Variants in SNX8 observed in about 807,000 individuals in gnomAD.
SNX8 encodes the protein sorting nexin-8.
Under a neutral mutation model 51.6 loss-of-function variants are expected in SNX8, and 25 were observed. That is an observed-to-expected ratio of 0.48 (90% CI 0.35 to 0.68). The LOEUF (loss-of-function observed/expected upper bound fraction) is 0.68. SNX8 is among the 30% of genes least tolerant of loss of function. SNX8 has a pLI of 0.00. For missense variants in SNX8, 695 were observed against 624.0 expected (o/e 1.11, Z -1.21); for synonymous variants, 324 against 277.0 (o/e 1.17, Z -1.68).
upstream of SNX8, among the ~76,000 whole-genome samples, chr7:2,314,635 C>T (rs1028186766): frequency 2.6e-5 from 4 of 152,176 alleles, no homozygotes; most frequent in African/African-American, 9.6e-5. Context: ...TCCCCGTCCA[C>T]GTGGACACGG....
intron 1 of SNX8, among the ~76,000 whole-genome samples, chr7:2,342,289 G>C (rs915588216): frequency 4.3e-4 from 66 of 152,136 alleles, no homozygotes; most frequent in Non-Finnish European, 7.2e-4. Context: ...TGTTCAACAC[G>C]CAAGATGGAT....
Position 2,254,754 on chromosome 7 carries a change from G to C in SNX8, c.*302C>G. On this transcript the variant is annotated 3_prime_UTR_variant, in exon 11 of 11. Coordinates refer to ENST00000222990, the MANE Select transcript of SNX8 (RefSeq NM_013321.4). The stretch of plus-strand genomic sequence containing the variant: ...CCACGCTCCCCCAGGCACAATCTCT[G>C]TGAGATGAGAGATCCCTGCCTCCCC... 2.2e-6 allele frequency: 1 copy of C among 445,864 alleles called. No homozygotes were observed. Among genetic ancestry groups the C allele is most frequent in the Non-Finnish European group, 4.1e-6 (1 of 244,322 alleles). 27.6% of individuals were successfully genotyped at this position (445,864 alleles called of 1,614,324 possible). A position where few individuals can be genotyped will look rare whatever the true frequency, so the allele number is the denominator to read the frequency against.
intron 1 of SNX8, among the ~76,000 whole-genome samples, chr7:2,326,284 G>A (rs181604672): frequency 1.2e-3 from 180 of 152,198 alleles, no homozygotes; most frequent in Middle Eastern, 3.4e-3. Context: ...AGGATCGCTC[G>A]AACCAGGGAG....
At chr7:2,270,884 AGAG>A (rs957589824) in intron 4 of SNX8, among the ~76,000 whole-genome samples, 64 of 152,096 alleles carry the variant, frequency 4.2e-4, no homozygotes, top group African/African-American at 1.5e-3. Flanking sequence ...TCCCTGAAAT[AGAG>A]GAGAGCCTGG....
At chr7:2,300,476 G>T (rs931151883) in intron 1 of SNX8, among the ~76,000 whole-genome samples, 1 of 151,106 alleles carries the variant, frequency 6.6e-6, no homozygotes, top group African/African-American at 2.4e-5. Flanking sequence ...GCAGTGGCAC[G>T]ATCTTAGCTC....
chr7:2,270,108 G>A (rs1158504139), intron 4 of SNX8, among the ~76,000 whole-genome samples: 1 of 152,080 alleles, frequency 6.6e-6, no homozygotes, highest in African/African-American at 2.4e-5. Flanking sequence ...CCAGAGCCCA[G>A]GGAGCTGCTG....
Position 2,303,995 on chromosome 7 carries a change from T to TA in SNX8, c.94+10332dup, listed in dbSNP as rs202185394. Among the ~76,000 whole-genome samples, 97 of 143,622 alleles carry TA rather than the reference T, an allele frequency of 6.8e-4. No homozygotes were observed. In the Middle Eastern group the frequency reaches 0.018, roughly 26 times the overall value. The allele number at this position is 143,622 out of a possible 152,430, so 94.2% of individuals were successfully genotyped here. A position where few individuals can be genotyped will look rare whatever the true frequency, so the allele number is the denominator to read the frequency against. On this transcript the variant is annotated intron_variant, in intron 1 of 10. Coordinates refer to ENST00000222990, the MANE Select transcript of SNX8 (RefSeq NM_013321.4). ...TAAAAAATAAAAAAAAATAAAAACT[T>TA]AAAAAAAAAAAATACAAAAAAATTA...
At chr7:2,267,421 T>C (rs1225330918) in intron 5 of SNX8, among the ~76,000 whole-genome samples, 3 of 131,058 alleles carry the variant, frequency 2.3e-5, no homozygotes, top group African/African-American at 8.0e-5. Flanking sequence ...GCAACCTCCC[T>C]GCCTGATTCT....
At chr7:2,336,754 C>A (rs1441645521) in intron 1 of SNX8, among the ~76,000 whole-genome samples, 1 of 151,684 alleles carries the variant, frequency 6.6e-6, no homozygotes, top group Non-Finnish European at 1.5e-5. Context: ...CCCCTGTTAT[C>A]CCAGCTGTTT....
rs2115075346 is a variant in SNX8 at position 2,252,274 on chromosome 7, CGTGGGCA to C, written c.*2775_*2781del. 6.6e-6 allele frequency: 1 copy of C among 152,118 alleles called. No homozygotes were observed. Among genetic ancestry groups the C allele is most frequent in the African/African-American group, 2.4e-5 (1 of 41,566 alleles). The allele number at this position is 152,118 out of a possible 1,614,324, so 9.4% of individuals were successfully genotyped here. On this transcript the variant is annotated 3_prime_UTR_variant, in exon 11 of 11. Coordinates refer to ENST00000222990, the MANE Select transcript of SNX8 (RefSeq NM_013321.4). ...GACCGGCACAAGCTTGGGCTTGGGC[CGTGGGCA>C]GCAGGAGGGCTGGAGAGGCATGGGG...
At chr7:2,301,184 G>A (rs969185193) in intron 1 of SNX8, among the ~76,000 whole-genome samples, 4 of 152,176 alleles carry the variant, frequency 2.6e-5, no homozygotes, top group African/African-American at 9.7e-5. Context: ...TCTGAAGAGG[G>A]AAAGCTCCAT....
At chr7:2,256,797 C>G in intron 10 of SNX8, 77 bp downstream of exon 10, 1 of 1,495,880 alleles carries the variant, frequency 6.7e-7, no homozygotes, top group Non-Finnish European at 9.0e-7. Context: ...GGCCACCGCG[C>G]TGCCGGGCTT....
chr7:2,275,855 G>A (rs558827304), intron 2 of SNX8, among the ~76,000 whole-genome samples: 9 of 152,074 alleles, frequency 5.9e-5, no homozygotes, highest in Non-Finnish European at 1.2e-4. Context: ...AAAATTAGCC[G>A]GGCGTGGTGG....
upstream of SNX8, chr7:2,314,471 GC>G (rs985962073): frequency 8.4e-6 from 10 of 1,186,284 alleles, no homozygotes; most frequent in African/African-American, 1.3e-4. Flanking sequence ...CGGCCGCGCA[GC>G]CCTGCCGCGC....
intron 1 of SNX8, among the ~76,000 whole-genome samples, chr7:2,343,452 G>A (rs965977571): frequency 2.6e-5 from 4 of 151,942 alleles, no homozygotes; most frequent in African/African-American, 9.7e-5. Context: ...GAGGCGGGCG[G>A]ATCACGAGAT....
At chr7:2,257,303 G>T (rs1385684749) in intron 9 of SNX8, 62 bp downstream of exon 9, 6 of 1,550,604 alleles carry the variant, frequency 3.9e-6, no homozygotes, top group African/African-American at 1.4e-5. Context: ...ACGGCTCCGG[G>T]TCCCACCATG....
chr7:2,261,152 G>T (rs1234836431), intron 7 of SNX8, among the ~76,000 whole-genome samples: 1 of 152,250 alleles, frequency 6.6e-6, no homozygotes, highest in Non-Finnish European at 1.5e-5. Context: ...AGCTCCTTTG[G>T]CTGGGCACAG....
intron 1 of SNX8, among the ~76,000 whole-genome samples, chr7:2,353,331 C>T (rs1363062462): frequency 1.3e-5 from 2 of 151,926 alleles, no homozygotes; most frequent in African/African-American, 2.4e-5. Context: ...ATTGCAGCGG[C>T]GCTGTGATTA....
chr7:2,327,785 GC>G (rs1336734060), intron 1 of SNX8, among the ~76,000 whole-genome samples: 1 of 152,070 alleles, frequency 6.6e-6, no homozygotes, highest in Non-Finnish European at 1.5e-5. Context: ...CTCGTGATCC[GC>G]CCGCCTTGGC....
Sources: gnomAD v4.1 joint callset for allele counts (sites outside exome capture counted in the v4.1 genomes callset) on GRCh38, gnomAD v4.1.1 for gene constraint, MANE v1.5 for transcripts, NCBI Gene and HGNC (gene_info 2026-07-23, HGNC 2026-07-21) for gene names.